The following ABTB3 variants were observed in gnomAD, a reference collection of about 807,000 sequenced individuals.
ABTB3 encodes the protein ankyrin repeat and BTB domain containing 3.
chr12:107,389,873 T>C, the ABTB3 span, among the ~76,000 whole-genome samples: 6 of 151,610 alleles, frequency 4.0e-5, no homozygotes, highest in South Asian at 1.3e-3. Flanking sequence ...TGTGTGTGTG[T>C]GTGTGTGTGT....
At chr12:107,379,482 C>A in the ABTB3 span, among the ~76,000 whole-genome samples, 1 of 152,184 alleles carries the variant, frequency 6.6e-6, no homozygotes, top group Non-Finnish European at 1.5e-5. Flanking sequence ...CCGTGTAAGA[C>A]GTGCCTTTGC....
the ABTB3 span, among the ~76,000 whole-genome samples, chr12:107,481,227 C>T: frequency 6.6e-6 from 1 of 152,120 alleles, no homozygotes. Flanking sequence ...GAAACACTGG[C>T]CTTGTATCTT....
At chr12:107,479,384 C>G in the ABTB3 span, among the ~76,000 whole-genome samples, 1 of 151,798 alleles carries the variant, frequency 6.6e-6, no homozygotes, top group South Asian at 2.1e-4. Context: ...CCCAGCTCAG[C>G]TCTGTGATCT....
At chr12:107,489,160 T>G in the ABTB3 span, among the ~76,000 whole-genome samples, 1 of 152,310 alleles carries the variant, frequency 6.6e-6, no homozygotes, top group East Asian at 1.9e-4. Flanking sequence ...GATTGGCACT[T>G]AAGTATGTTA....
the ABTB3 span, among the ~76,000 whole-genome samples, chr12:107,417,160 A>C: frequency 9.2e-5 from 14 of 152,346 alleles, 1 homozygote; most frequent in East Asian, 2.5e-3. Flanking sequence ...TCATTCATTC[A>C]TCCAAGCGTA....
At chr12:107,468,120 G>A in the ABTB3 span, among the ~76,000 whole-genome samples, 2 of 152,224 alleles carry the variant, frequency 1.3e-5, no homozygotes, top group South Asian at 2.1e-4. Flanking sequence ...TTTAGCTCAC[G>A]AGCTGAGGTC....
At chr12:107,482,805 T>C in the ABTB3 span, among the ~76,000 whole-genome samples, 48 of 151,374 alleles carry the variant, frequency 3.2e-4, 1 homozygote, top group East Asian at 6.7e-3. Context: ...TTCTCTCTCT[T>C]TTTTTTTCTT....
At chr12:107,438,491 C>T in the ABTB3 span, among the ~76,000 whole-genome samples, 6 of 152,164 alleles carry the variant, frequency 3.9e-5, no homozygotes, top group African/African-American at 1.4e-4. Context: ...CTTTGCTGCT[C>T]TCTGAGCCTA....
At chr12:107,503,164 G>A in the ABTB3 span, among the ~76,000 whole-genome samples, 1 of 152,174 alleles carries the variant, frequency 6.6e-6, no homozygotes, top group Non-Finnish European at 1.5e-5. Context: ...AGAGAATCCA[G>A]GTTTAGGATT....
the ABTB3 span, among the ~76,000 whole-genome samples, chr12:107,436,179 G>A: frequency 6.6e-6 from 1 of 152,324 alleles, no homozygotes; most frequent in African/African-American, 2.4e-5. Flanking sequence ...ATGGCAGAAG[G>A]GTTGGGGACA....
At chr12:107,360,930 A>ATTTTTTTTT in the ABTB3 span, among the ~76,000 whole-genome samples, 615 of 84,416 alleles carry the variant, frequency 7.3e-3, 25 homozygotes, top group South Asian at 0.016. Context: ...ATTTAATTTA[A>ATTTTTTTTT]TTTTTTTTTT....
the ABTB3 span, among the ~76,000 whole-genome samples, chr12:107,515,571 G>C: frequency 2.4e-4 from 36 of 152,286 alleles, no homozygotes; most frequent in East Asian, 5.2e-3. Context: ...TGAGGAATTG[G>C]CCCAAGATTC....
the ABTB3 span, among the ~76,000 whole-genome samples, chr12:107,541,032 G>A: frequency 6.6e-6 from 1 of 152,062 alleles, no homozygotes; most frequent in African/African-American, 2.4e-5. Flanking sequence ...GTCTTGAGAA[G>A]GACTTTAGGG....
the ABTB3 span, among the ~76,000 whole-genome samples, chr12:107,570,139 G>A: frequency 1.3e-5 from 2 of 152,340 alleles, no homozygotes; most frequent in South Asian, 4.1e-4. Context: ...TCATTATTAA[G>A]GAAGAAGAGG....
At chr12:107,436,137 C>A in the ABTB3 span, among the ~76,000 whole-genome samples, 2 of 152,180 alleles carry the variant, frequency 1.3e-5, no homozygotes, top group Admixed American at 6.5e-5. Context: ...CTACATCTGC[C>A]AACAAGGAGT....
At chr12:107,504,719 C>G in the ABTB3 span, among the ~76,000 whole-genome samples, 1 of 152,126 alleles carries the variant, frequency 6.6e-6, no homozygotes, top group Non-Finnish European at 1.5e-5. Flanking sequence ...GGAAGCGTGC[C>G]AGATACACCA....
At chr12:107,344,959 G>T in the ABTB3 span, among the ~76,000 whole-genome samples, 153 of 152,312 alleles carry the variant, frequency 1.0e-3, 1 homozygote, top group Non-Finnish European at 1.7e-3. Flanking sequence ...CCTTGGATTA[G>T]AAAGCACTCA....
the ABTB3 span, among the ~76,000 whole-genome samples, chr12:107,549,742 A>G: frequency 6.6e-6 from 1 of 152,210 alleles, no homozygotes; most frequent in Non-Finnish European, 1.5e-5. Context: ...AACATTGCTT[A>G]TGGCCAGAAT....
the ABTB3 span, among the ~76,000 whole-genome samples, chr12:107,409,518 T>C: frequency 2.0e-5 from 3 of 152,214 alleles, no homozygotes; most frequent in Admixed American, 6.5e-5. Context: ...TGGAATACTA[T>C]GCAACCATAA....
Sources: allele counts gnomAD v4.1 joint callset (sites outside exome capture counted in the v4.1 genomes callset), GRCh38; gene constraint gnomAD v4.1.1; transcripts MANE v1.5; gene names NCBI Gene and HGNC (gene_info 2026-07-23, HGNC 2026-07-21).